Variants in SNTG1 observed in about 807,000 individuals in gnomAD.
SNTG1 encodes syntrophin gamma 1, also known as gamma-1-syntrophin.
SNTG1 carries 39 observed loss-of-function variants against 74.7 expected under a neutral mutation model. The observed-to-expected ratio is 0.52, with a 90% confidence interval of 0.40 to 0.68. The LOEUF (loss-of-function observed/expected upper bound fraction) is 0.68. Ranked by LOEUF, SNTG1 falls within the 30% of genes least tolerant of loss-of-function variation. The pLI is 0.00. For missense variants in SNTG1, 685 were observed against 609.5 expected (o/e 1.12, Z -1.30); for synonymous variants, 254 against 217.1 (o/e 1.17, Z -1.49).
chr8:50,218,222 C>A (rs918529589), intron 2 of SNTG1, among the ~76,000 whole-genome samples: 1 of 152,174 alleles, frequency 6.6e-6, no homozygotes, highest in African/African-American at 2.4e-5. Context: ...CTGAGGAATG[C>A]ACTGAGCATA....
chr8:50,387,054 C>T (rs762086481), intron 2 of SNTG1, among the ~76,000 whole-genome samples: 3 of 152,078 alleles, frequency 2.0e-5, no homozygotes, highest in Non-Finnish European at 4.4e-5. Flanking sequence ...AGTAGGCTTC[C>T]TGTCTATTTT....
At chr8:50,433,067 G>A (rs567153307) in intron 4 of SNTG1, among the ~76,000 whole-genome samples, 1 of 152,300 alleles carries the variant, frequency 6.6e-6, no homozygotes, top group Non-Finnish European at 1.5e-5. Flanking sequence ...TGGGATTACA[G>A]GCATGAGCCA....
At chr8:50,753,660 C>T (rs970298157) in intron 18 of SNTG1, among the ~76,000 whole-genome samples, 1 of 151,866 alleles carries the variant, frequency 6.6e-6, no homozygotes, top group Non-Finnish European at 1.5e-5. Context: ...CTGTCAGCTA[C>T]TAAGCATTAT....
intron 1 of SNTG1, among the ~76,000 whole-genome samples, chr8:49,921,795 A>G (rs1019717767): frequency 6.6e-6 from 1 of 152,130 alleles, no homozygotes; most frequent in African/African-American, 2.4e-5. Flanking sequence ...TTATATATTC[A>G]ATTTTAAGTG....
At chr8:50,743,783 TAAAG>T (rs1288940551) in intron 17 of SNTG1, among the ~76,000 whole-genome samples, 1 of 151,946 alleles carries the variant, frequency 6.6e-6, no homozygotes, top group Admixed American at 6.6e-5. Flanking sequence ...TGGATCAGTA[TAAAG>T]AAATACCTGA....
chr8:49,983,917 G>T (rs1333846123), intron 1 of SNTG1, among the ~76,000 whole-genome samples: 1 of 152,166 alleles, frequency 6.6e-6, no homozygotes, highest in East Asian at 1.9e-4. Context: ...TTATCCTGTG[G>T]CCTTGGTAGG....
At chr8:50,375,186 T>C (rs924819620) in intron 2 of SNTG1, among the ~76,000 whole-genome samples, 1 of 152,158 alleles carries the variant, frequency 6.6e-6, no homozygotes, top group Non-Finnish European at 1.5e-5. Context: ...ATGCTCCTTA[T>C]AAAATGAGAT....
chr8:50,511,214 A>G (rs1302532229), intron 9 of SNTG1, among the ~76,000 whole-genome samples: 2 of 152,202 alleles, frequency 1.3e-5, no homozygotes, highest in South Asian at 2.1e-4. Flanking sequence ...GTTTCCATGT[A>G]GTTGAGCGGT....
rs773639503 is a variant in SNTG1 at position 49,918,943 on chromosome 8, A to C, written c.-103+6712A>C. On this transcript the variant is annotated intron_variant, in intron 1 of 18. Coordinates refer to ENST00000642720, the MANE Select transcript of SNTG1 (RefSeq NM_018967.5). ...GCAAAAGAGAATTACTGGCTTATGCAGTAGCAGATTATAGCAGGTATGGCT... is the reference window on the plus strand; with the variant it reads ...GCAAAAGAGAATTACTGGCTTATGCCGTAGCAGATTATAGCAGGTATGGCT... Among the ~76,000 whole-genome samples the C allele has an allele frequency of 6.2e-4, 95 of 152,204 alleles. 3 individuals carry two copies. The highest frequency in any genetic ancestry group is 3.9e-4 in the Admixed American group (6 of 15,262).
chr8:50,501,611 ATTT>A (rs57220646), intron 8 of SNTG1, among the ~76,000 whole-genome samples: 10 of 134,148 alleles, frequency 7.5e-5, no homozygotes, highest in African/African-American at 1.8e-4. Flanking sequence ...ATTTTTTTTT[ATTT>A]TTTTTTTTTT....
At chr8:49,935,693 C>T (rs2129364179) in intron 1 of SNTG1, among the ~76,000 whole-genome samples, 1 of 152,254 alleles carries the variant, frequency 6.6e-6, no homozygotes, top group Middle Eastern at 3.4e-3. Flanking sequence ...CTCTCCTGTG[C>T]TCTTGGCACA....
intron 2 of SNTG1, among the ~76,000 whole-genome samples, chr8:50,186,213 G>C (rs1242249613): frequency 6.6e-6 from 1 of 152,082 alleles, no homozygotes; most frequent in East Asian, 1.9e-4. Context: ...GTATTCCATG[G>C]TGTATATGTG....
At chr8:50,544,460 C>T (rs1399856295) in intron 11 of SNTG1, among the ~76,000 whole-genome samples, 2 of 151,918 alleles carry the variant, frequency 1.3e-5, no homozygotes, top group Non-Finnish European at 1.5e-5. Context: ...ACCTTAAGAG[C>T]TCTGTTAATA....
At chr8:50,326,661 T>A (rs1490241651) in intron 2 of SNTG1, among the ~76,000 whole-genome samples, 1 of 150,476 alleles carries the variant, frequency 6.6e-6, no homozygotes, top group Non-Finnish European at 1.5e-5. Flanking sequence ...TTTAAAAAAA[T>A]TTTCTCTATT....
intron 1 of SNTG1, among the ~76,000 whole-genome samples, chr8:49,995,094 G>T (rs1814081393): frequency 6.6e-6 from 1 of 152,148 alleles, no homozygotes; most frequent in African/African-American, 2.4e-5. Flanking sequence ...TAATGGAAAT[G>T]AAGATAATAA....
At chr8:50,588,573 A>T (rs1029101667) in intron 12 of SNTG1, among the ~76,000 whole-genome samples, 4 of 152,232 alleles carry the variant, frequency 2.6e-5, no homozygotes, top group Non-Finnish European at 5.9e-5. Context: ...AGTAGAAATC[A>T]GCTTACACAA....
At chr8:49,927,790 A>C (rs142556012) in intron 1 of SNTG1, among the ~76,000 whole-genome samples, 2 of 152,052 alleles carry the variant, frequency 1.3e-5, no homozygotes, top group Non-Finnish European at 2.9e-5. Flanking sequence ...GACCCACAGA[A>C]TGTACAGTAC....
At chr8:50,774,309 TATC>T (rs1037284221) in intron 18 of SNTG1, among the ~76,000 whole-genome samples, 9 of 151,982 alleles carry the variant, frequency 5.9e-5, no homozygotes, top group African/African-American at 2.2e-4. Flanking sequence ...GACATAAAAT[TATC>T]ATGATTCACC....
chr8:50,646,913 A>G (rs2095112893), intron 13 of SNTG1, among the ~76,000 whole-genome samples: 1 of 152,184 alleles, frequency 6.6e-6, no homozygotes, highest in South Asian at 2.1e-4. Context: ...AAATAAAGTC[A>G]AACAAGTATA....
Sources: gnomAD v4.1 joint callset for allele counts (sites outside exome capture counted in the v4.1 genomes callset) on GRCh38, gnomAD v4.1.1 for gene constraint, MANE v1.5 for transcripts, NCBI Gene and HGNC (gene_info 2026-07-23, HGNC 2026-07-21) for gene names.